The following TCF7L1 variants were observed in gnomAD, a reference collection of about 807,000 sequenced individuals.
TCF7L1 encodes transcription factor 7 like 1.
A neutral mutation model predicts 63.7 loss-of-function variants in TCF7L1; 18 were observed. That is an observed-to-expected ratio of 0.28 (90% confidence interval 0.20 to 0.42). The LOEUF is 0.42. TCF7L1 is among the 10% of genes least tolerant of loss of function. The pLI is 1.00. For missense variants in TCF7L1, 654 were observed against 779.3 expected (o/e 0.84, Z 1.91); for synonymous variants, 355 against 340.9 (o/e 1.04, Z -0.46).
intron 3 of TCF7L1, among the ~76,000 whole-genome samples, chr2:85,203,222 A>G (rs1679318405): frequency 6.6e-6 from 1 of 152,166 alleles, no homozygotes; most frequent in Non-Finnish European, 1.5e-5. Flanking sequence ...TAACATTGGG[A>G]AGCTATAACT....
chr2:85,272,143 C>T (rs1048485869), intron 3 of TCF7L1, among the ~76,000 whole-genome samples: 2 of 152,184 alleles, frequency 1.3e-5, no homozygotes, highest in East Asian at 3.9e-4. Context: ...GGCTCCTCCT[C>T]GGAATAGGGT....
intron 3 of TCF7L1, among the ~76,000 whole-genome samples, chr2:85,272,917 G>A (rs183463607): frequency 1.3e-5 from 2 of 152,336 alleles, no homozygotes; most frequent in Admixed American, 1.3e-4. Context: ...CATGTCATGT[G>A]GCAGTTCAAA....
intron 3 of TCF7L1, among the ~76,000 whole-genome samples, chr2:85,245,543 T>C (rs1348224334): frequency 1.3e-5 from 2 of 152,106 alleles, no homozygotes; most frequent in Admixed American, 1.3e-4. Flanking sequence ...CCAGGCACGG[T>C]GGCTCACATC....
In TCF7L1 at chr2:85,133,953, AC is replaced by A. The variant is rs1171961016; in HGVS notation, c.249+25del. The A allele has an allele frequency of 2.6e-6, 4 of 1,556,484 alleles. No homozygotes were observed. The highest frequency in any genetic ancestry group is 1.4e-5 in the African/African-American group (1 of 72,522). ...TCGGAGGTAAGGAAGCACCGCGGCCACCCCCGGGGGATCCCGGCCCTGCGTC... is the reference window on the plus strand; with the variant it reads ...TCGGAGGTAAGGAAGCACCGCGGCCACCCCGGGGGATCCCGGCCCTGCGTC... On this transcript the variant is annotated intron_variant, in intron 1 of 11. Transcript: ENST00000282111. The surrounding 1 kb of genome is among the most constrained non-coding windows in gnomAD (Gnocchi z 4.4).
At chr2:85,157,056 C>T (rs75438253) in intron 3 of TCF7L1, among the ~76,000 whole-genome samples, 6,420 of 152,242 alleles carry the variant, frequency 0.042, 186 homozygotes, top group Admixed American at 0.097. Context: ...CTGAGAATCC[C>T]TGGTGTACAT....
intron 3 of TCF7L1, among the ~76,000 whole-genome samples, chr2:85,190,962 G>A (rs1225679919): frequency 2.0e-5 from 3 of 152,196 alleles, no homozygotes; most frequent in Admixed American, 6.5e-5. Flanking sequence ...CAACTGAGGC[G>A]AGGGCTGCTG....
At chr2:85,249,348 C>T (rs1680540198) in intron 3 of TCF7L1, among the ~76,000 whole-genome samples, 1 of 152,194 alleles carries the variant, frequency 6.6e-6, no homozygotes, top group Non-Finnish European at 1.5e-5. Context: ...GAGCAGAGTC[C>T]TGGGTATTTG....
intron 3 of TCF7L1, among the ~76,000 whole-genome samples, chr2:85,189,792 G>A (rs1679005765): frequency 6.6e-6 from 1 of 152,164 alleles, no homozygotes; most frequent in Non-Finnish European, 1.5e-5. Context: ...CCGGCCGCCT[G>A]GACACAATCA....
chr2:85,180,549 A>G (rs1572979151), intron 3 of TCF7L1, among the ~76,000 whole-genome samples: 1 of 152,214 alleles, frequency 6.6e-6, no homozygotes, highest in East Asian at 1.9e-4. Context: ...GAATCTTCTC[A>G]GTTATCCACA....
intron 4 of TCF7L1, among the ~76,000 whole-genome samples, chr2:85,287,968 A>G (rs1291445281): frequency 2.0e-5 from 3 of 152,178 alleles, no homozygotes; most frequent in Non-Finnish European, 2.9e-5. Flanking sequence ...GACTTCATAG[A>G]GTCGTTGTGC....
chr2:85,177,786 T>C (rs912020403), intron 3 of TCF7L1, among the ~76,000 whole-genome samples: 2 of 152,206 alleles, frequency 1.3e-5, no homozygotes, highest in African/African-American at 4.8e-5. Flanking sequence ...CATTTGAGTC[T>C]TATCTTTGTC....
chr2:85,256,439 A>G (rs530742172), intron 3 of TCF7L1, among the ~76,000 whole-genome samples: 26 of 152,320 alleles, frequency 1.7e-4, no homozygotes, highest in African/African-American at 6.3e-4. Flanking sequence ...TCAAGGAGAA[A>G]GACCCTAAAC....
intron 3 of TCF7L1, among the ~76,000 whole-genome samples, chr2:85,199,585 G>A (rs1364819012): frequency 6.6e-6 from 1 of 152,070 alleles, no homozygotes; most frequent in Non-Finnish European, 1.5e-5. Flanking sequence ...ATAATCTCTA[G>A]GAAGGAGGTC....
At chr2:85,138,083 C>G (rs192712319) in intron 3 of TCF7L1, among the ~76,000 whole-genome samples, 1 of 152,066 alleles carries the variant, frequency 6.6e-6, no homozygotes, top group Non-Finnish European at 1.5e-5. Context: ...TGGAAAGAAA[C>G]ACTTCTAGGT....
chr2:85,250,674 T>G (rs1680567978), intron 3 of TCF7L1, among the ~76,000 whole-genome samples: 1 of 152,160 alleles, frequency 6.6e-6, no homozygotes, highest in Non-Finnish European at 1.5e-5. Flanking sequence ...TGGCCTCAAA[T>G]GATCACCCAC....
chr2:85,239,405 G>C (rs1193163468), intron 3 of TCF7L1, among the ~76,000 whole-genome samples: 2 of 152,192 alleles, frequency 1.3e-5, no homozygotes. Context: ...AGTGTGGACT[G>C]TTTCTCCTCT....
At chr2:85,227,229 T>G (rs556545675) in intron 3 of TCF7L1, among the ~76,000 whole-genome samples, 1 of 152,284 alleles carries the variant, frequency 6.6e-6, no homozygotes, top group East Asian at 1.9e-4. Flanking sequence ...TGCACTTAGC[T>G]CCGCTCACTG....
chr2:85,295,935 G>A (rs562888918), intron 4 of TCF7L1, among the ~76,000 whole-genome samples: 36 of 151,696 alleles, frequency 2.4e-4, no homozygotes, highest in African/African-American at 6.0e-4. Flanking sequence ...CCACCACCAC[G>A]CCCAGCTAAT....
At chr2:85,203,104 G>A (rs964567930) in intron 3 of TCF7L1, among the ~76,000 whole-genome samples, 1 of 152,088 alleles carries the variant, frequency 6.6e-6, no homozygotes, top group African/African-American at 2.4e-5. Context: ...CAAAGTACTG[G>A]GATTACAGGC....
Sources: gnomAD v4.1 joint callset for allele counts (sites outside exome capture counted in the v4.1 genomes callset) on GRCh38, gnomAD v4.1.1 for gene constraint, Gnocchi (gnomAD v3.1) non-coding constraint, MANE v1.5 for transcripts, NCBI Gene and HGNC (gene_info 2026-07-23, HGNC 2026-07-21) for gene names.